The following ERG variants were observed in gnomAD, a reference collection of about 807,000 sequenced individuals.
ERG encodes the protein transcriptional regulator ERG.
In ERG, 9 loss-of-function variants were observed where a neutral mutation model predicts 55.3. The observed-to-expected ratio is 0.16, with a 90% CI of 0.10 to 0.28. ERG has a LOEUF of 0.28. Ranked by LOEUF, ERG falls within the 10% of genes least tolerant of loss-of-function variation. The probability of loss-of-function intolerance (pLI) is 1.00; values close to 1 mark genes in which losing one functional copy is unlikely to be tolerated. For missense variants in ERG, 434 were observed against 631.6 expected, an observed-to-expected ratio of 0.69 and a Z score of 3.35; for synonymous variants, 223 against 237.3, an observed-to-expected ratio of 0.94 and a Z score of 0.55.
chr21:38,638,440 A>G (rs2060403826), intron 1 of ERG, among the ~76,000 whole-genome samples: 1 of 152,204 alleles, frequency 6.6e-6, no homozygotes, highest in Non-Finnish European at 1.5e-5. Flanking sequence ...AACTCACTTC[A>G]TCTCTAAAAT....
intron 1 of ERG, among the ~76,000 whole-genome samples, chr21:38,479,325 T>C (rs1190978134): frequency 1.3e-5 from 2 of 152,190 alleles, no homozygotes; most frequent in African/African-American, 4.8e-5. Context: ...AACCGTTGTT[T>C]GTTGGTGAAG....
chr21:38,547,737 G>C (rs1319063092), intron 2 of ERG, among the ~76,000 whole-genome samples: 1 of 152,096 alleles, frequency 6.6e-6, no homozygotes, highest in Non-Finnish European at 1.5e-5. Flanking sequence ...ATAAAATGAT[G>C]CCCTTAGCCC....
chr21:38,599,917 G>A (rs1188101947), intron 1 of ERG, among the ~76,000 whole-genome samples: 1 of 152,208 alleles, frequency 6.6e-6, no homozygotes, highest in Non-Finnish European at 1.5e-5. Flanking sequence ...TATGTTGGGT[G>A]GGTGGCCCTG....
At position 38,658,823 on chromosome 21, in the gene ERG, A is replaced by G. The variant is rs185983247; in HGVS notation, c.-150+2835T>C. ...AAAAACTCAACAAGGTTTTTCTTTA[A>G]TATAAAAGCAAAACGTGGAACGTGG... On this transcript the variant is annotated intron_variant, in intron 1 of 10. Transcript: ENST00000398910. Among the ~76,000 whole-genome samples the G allele has an allele frequency of 1.1e-3, 166 of 152,348 alleles. 1 individual carries two copies. The highest frequency in any genetic ancestry group is 3.6e-3 in the African/African-American group (149 of 41,582).
At chr21:38,385,491 A>G (rs898060786) in intron 9 of ERG, among the ~76,000 whole-genome samples, 1 of 152,232 alleles carries the variant, frequency 6.6e-6, no homozygotes, top group East Asian at 1.9e-4. Flanking sequence ...CCTCCTGTAC[A>G]TATCACCCAA....
At chr21:38,440,613 G>A (rs1006421156) in intron 2 of ERG, among the ~76,000 whole-genome samples, 1 of 152,030 alleles carries the variant, frequency 6.6e-6, no homozygotes, top group Non-Finnish European at 1.5e-5. Flanking sequence ...CTGAGGTAAG[G>A]AGTTCGAGAC....
intron 1 of ERG, among the ~76,000 whole-genome samples, chr21:38,483,377 T>C (rs539457078): frequency 6.6e-6 from 1 of 152,238 alleles, no homozygotes; most frequent in Non-Finnish European, 1.5e-5. Context: ...ACCATCTTCA[T>C]GTATATCAAA....
At chr21:38,434,805 C>T (rs1990376472) in intron 2 of ERG, among the ~76,000 whole-genome samples, 1 of 152,210 alleles carries the variant, frequency 6.6e-6, no homozygotes, top group Non-Finnish European at 1.5e-5. Flanking sequence ...CAGATTAACA[C>T]AGCAACATAC....
intron 9 of ERG, among the ~76,000 whole-genome samples, chr21:38,386,101 A>G (rs1342440577): frequency 2.0e-5 from 3 of 152,228 alleles, no homozygotes; most frequent in Non-Finnish European, 4.4e-5. Context: ...AAGTGATCTC[A>G]TGTCTCTCCT....
intron 1 of ERG, among the ~76,000 whole-genome samples, chr21:38,595,996 T>C (rs1174046127): frequency 6.8e-6 from 1 of 146,498 alleles, no homozygotes; most frequent in Admixed American, 6.8e-5. Context: ...CCTTCTGGAA[T>C]CTGAACAGGT....
At chr21:38,630,121 A>C (rs928155656) in intron 1 of ERG, among the ~76,000 whole-genome samples, 10 of 152,228 alleles carry the variant, frequency 6.6e-5, no homozygotes, top group Non-Finnish European at 7.4e-5. Flanking sequence ...AGGGGGAATT[A>C]GTGTTCAACA....
chr21:38,585,532 C>CTTTTTTTTTTTTTTTTTTT (rs760791568), upstream of ERG, among the ~76,000 whole-genome samples: 1,737 of 59,248 alleles, frequency 0.029, 558 homozygotes, highest in Non-Finnish European at 0.043. Flanking sequence ...TCTCTCTCTT[C>CTTTTTTTTTTTTTTTTTTT]TTTTTTTTTT....
intron 2 of ERG, among the ~76,000 whole-genome samples, chr21:38,504,639 T>C (rs1367617884): frequency 6.6e-6 from 1 of 152,184 alleles, no homozygotes; most frequent in Non-Finnish European, 1.5e-5. Flanking sequence ...TTGGTGCCCA[T>C]AAGGCTTCGT....
Position 38,396,729 on chromosome 21 carries a change from G to C in ERG, c.745+3845C>G, listed in dbSNP as rs139754016. ...GTGGTGCACTGTGTAGTTAATAGGG[G>C]CTTGCAAGATTCTGTGGATCTGTTT... is the stretch of plus-strand genomic sequence containing the variant. On this transcript the variant is annotated intron_variant, in intron 6 of 9. Coordinates refer to ENST00000288319, the MANE Select transcript of ERG (RefSeq NM_182918.4). 2.5e-4 allele frequency among the ~76,000 whole-genome samples: 38 copies of C among 152,202 alleles called. No homozygotes were observed. In the East Asian group the frequency reaches 6.9e-3, roughly 28 times the overall value.
intron 2 of ERG, among the ~76,000 whole-genome samples, chr21:38,560,785 T>C (rs1601242111): frequency 6.6e-6 from 1 of 152,204 alleles, no homozygotes; most frequent in African/African-American, 2.4e-5. Context: ...TCAAAGGAAA[T>C]GAGAAAGCTT....
downstream of ERG, among the ~76,000 whole-genome samples, chr21:38,375,824 C>G (rs1601303649): frequency 1.3e-5 from 2 of 152,248 alleles, no homozygotes; most frequent in South Asian, 4.2e-4. Flanking sequence ...TGTTGTGGGC[C>G]CCGGGTAGTC....
intron 2 of ERG, among the ~76,000 whole-genome samples, chr21:38,541,154 G>A (rs1311943311): frequency 6.6e-6 from 1 of 152,142 alleles, no homozygotes; most frequent in Non-Finnish European, 1.5e-5. Context: ...GATGGAAGAC[G>A]CCATCCAATT....
intron 1 of ERG, among the ~76,000 whole-genome samples, chr21:38,597,499 A>ACACACACACACG (rs1009692817): frequency 1.3e-5 from 2 of 150,988 alleles, no homozygotes; most frequent in Admixed American, 1.3e-4. Context: ...ACACACACAC[A>ACACACACACACG]CGCACACAGA....
the ERG span, among the ~76,000 whole-genome samples, chr21:38,368,791 C>T: frequency 6.6e-6 from 1 of 152,108 alleles, no homozygotes; most frequent in East Asian, 1.9e-4. Flanking sequence ...TGAAAGGCCC[C>T]AGTGTGTGTT....
Sources: gnomAD v4.1 joint callset for allele counts (sites outside exome capture counted in the v4.1 genomes callset) on GRCh38, gnomAD v4.1.1 for gene constraint, MANE v1.5 for transcripts, NCBI Gene and HGNC (gene_info 2026-07-23, HGNC 2026-07-21) for gene names.